The following AP5B1 variants were observed in gnomAD, a reference collection of about 807,000 sequenced individuals.
The protein encoded by AP5B1 is AP-5 complex subunit beta-1.
In AP5B1, 3 loss-of-function variants were observed where a neutral mutation model predicts 5.7. The observed-to-expected ratio is 0.53, with a 90% CI of 0.24 to 1.36. AP5B1 has a LOEUF of 1.36. Among genes scored for constraint, AP5B1 ranks in the 40% most tolerant of loss-of-function variants. The pLI is 0.17. For synonymous variants in AP5B1, 696 were observed against 555.5 expected, an observed-to-expected ratio of 1.25 and a Z score of -3.56; for missense variants, 1,310 against 1,143.2, an observed-to-expected ratio of 1.15 and a Z score of -2.10.
In AP5B1 at chr11:65,779,973, C is replaced by A. The variant is rs1156969394; in HGVS notation, c.520G>T (p.Gly174Cys). Reference protein sequence around the residue: ...LLGGSLGLLRGLLGQEGPVQP... With the variant: ...LLGGSLGLLRCLLGQEGPVQP... ...ACAGGGCCTTCCTGCCCCAGCAGGC[C>A]CCGCAGCAACCCCAGGGAGCCCCCC... The change falls in exon 2 of 2, where the codon GGC becomes TGC. Residue 174 changes from glycine (G) to cysteine (C), a missense_variant. Transcript: ENST00000532090. 3 of 1,578,316 alleles carry A rather than the reference C, an allele frequency of 1.9e-6. No homozygotes were observed. The Admixed American group carries it at 5.5e-5, about 29-fold the overall frequency.
rs1234113933 is a variant in AP5B1 at position 65,777,597 on chromosome 11, A to G, written c.*259T>C. Reference sequence around the variant, plus strand: ...CTCACTGGGCTCTGGGCCCTCCACTATGGACTTCCCAGCCTCCAGAGCTCT... The same window carrying G: ...CTCACTGGGCTCTGGGCCCTCCACTGTGGACTTCCCAGCCTCCAGAGCTCT... On this transcript the variant is annotated 3_prime_UTR_variant, in exon 2 of 2. Transcript: ENST00000532090. 1 of 477,818 alleles carries G rather than the reference A, an allele frequency of 2.1e-6. No individual in the cohort carries two copies. The highest frequency in any genetic ancestry group is 3.7e-6 in the Non-Finnish European group (1 of 271,290). 29.6% of individuals were successfully genotyped at this position (477,818 alleles called of 1,614,324 possible). A position where few individuals can be genotyped will look rare whatever the true frequency, so the allele number is the denominator to read the frequency against.
rs1317747499 is a variant in AP5B1 at position 65,777,890 on chromosome 11, C to A, written c.2603G>T (p.Gly868Val). ...TDDWAVLPLA[G>V]DYLRGLAAAV is the part of the protein sequence containing the mutation. ...AGCCGCCAGCCCACGGAGGTAGTCC[C>A]CCGCCAGGGGCAGCACGGCCCAGTC... is the stretch of plus-strand genomic sequence containing the variant. The change falls in exon 2 of 2, where the codon GGG (glycine) becomes GTG (valine). Residue 868 changes from glycine (G) to valine (V), a missense_variant. Transcript: ENST00000532090. The A allele has an allele frequency of 6.5e-7, 1 of 1,543,910 alleles. No homozygotes were observed. Among genetic ancestry groups the A allele is most frequent in the Non-Finnish European group, 8.7e-7 (1 of 1,142,988 alleles).
chr11:65,774,084 G>A lies in AP5B1; in HGVS notation c.*3772C>T, dbSNP rs916030059. On this transcript the variant is annotated 3_prime_UTR_variant, in exon 2 of 2. Transcript: ENST00000532090. Reference sequence around the variant, plus strand: ...TTTTGTTCATTCATGCTCGGCAGCTGTGTCTAAACCATAAAGGGATGGGGT... The same window carrying A: ...TTTTGTTCATTCATGCTCGGCAGCTATGTCTAAACCATAAAGGGATGGGGT... Among the ~76,000 whole-genome samples, 5 of 152,172 alleles carry A rather than the reference G, an allele frequency of 3.3e-5. No individual in the cohort carries two copies. Among genetic ancestry groups the A allele is most frequent in the Admixed American group, 1.3e-4 (2 of 15,268 alleles).
rs998940489 is a variant in AP5B1, at chr11:65,778,827, T to C, written c.1666A>G (p.Thr556Ala). 3 of 1,610,710 alleles carry C rather than the reference T, an allele frequency of 1.9e-6. No homozygotes were observed. The highest frequency in any genetic ancestry group is 2.5e-6 in the Non-Finnish European group (3 of 1,178,664). Residue 556 changes from threonine (T) to alanine (A), a missense_variant, in exon 2 of 2, where the codon ACC becomes GCC. Thr to Ala is a moderately conservative substitution (Grantham distance 58). Transcript: ENST00000532090. The stretch of plus-strand genomic sequence containing the variant: ...GCCGCGGCCTGTAGAAAGTTGAGGG[T>C]AGCACTCTGGGCATCTCCATCTGCC... The part of the protein sequence containing the change: ...KVADGDAQSA[T>A]LNFLQAAAAH...
Position 65,779,611 on chromosome 11 carries a change from G to A in AP5B1, c.882C>T (p.Gly294=), listed in dbSNP as rs1343263198. The A allele has an allele frequency of 6.2e-7, 1 of 1,606,682 alleles. No individual in the cohort carries two copies. Among genetic ancestry groups the A allele is most frequent in the South Asian group, 1.1e-5 (1 of 90,618 alleles). ...GTCCCTGCAGACCCCGCAGGGCCCA[G>A]CCCAGCAGCCACAGGAGCTGGGCCT... is the stretch of plus-strand genomic sequence containing the variant. ...VAQAQLLWLL[G]WALRGLQGQP... The change falls in exon 2 of 2, where the codon GGC becomes GGT. Residue 294 remains glycine (G), a synonymous_variant. Coordinates refer to ENST00000532090, the MANE Select transcript of AP5B1 (RefSeq NM_138368.5).
Position 65,778,273 on chromosome 11 carries a change from G to A in AP5B1, c.2220C>T (p.Val740=). Residue 740 remains valine, a synonymous_variant, in exon 2 of 2, where the codon GTC becomes GTT. Transcript: ENST00000532090. ...CAGTGGATGTGGTGTAAAGGGCATG[G>A]ACATCCAGCCGTGCGGGGGCCGGGC... ...PRCPAPARLD[V]HALYTTSTGL... is the part of the protein sequence containing the mutation. 2 of 1,613,250 alleles carry A rather than the reference G, an allele frequency of 1.2e-6. No homozygotes were observed. Among genetic ancestry groups the A allele is most frequent in the Non-Finnish European group, 1.7e-6 (2 of 1,179,892 alleles).
rs556992430 is a variant in AP5B1 at position 65,775,490 on chromosome 11, C to T, written c.*2366G>A. 1.0e-3 allele frequency among the ~76,000 whole-genome samples: 156 copies of T among 152,312 alleles called. No homozygotes were observed. The highest frequency in any genetic ancestry group is 2.7e-3 in the Admixed American group (42 of 15,292). Reference sequence around the variant, plus strand: ...GGCCAAGGAAGTTTGCTCTGCGGGCCCAGCCTTGGAGATGTTCAGTCCTTC... The same window carrying T: ...GGCCAAGGAAGTTTGCTCTGCGGGCTCAGCCTTGGAGATGTTCAGTCCTTC... On this transcript the variant is annotated 3_prime_UTR_variant, in exon 2 of 2. Transcript: ENST00000532090.
rs1857769064 is a variant in AP5B1 at position 65,776,688 on chromosome 11, G to A, written c.*1168C>T. The A allele has an allele frequency of 6.6e-6, 1 of 152,234 alleles. No homozygotes were observed. The highest frequency in any genetic ancestry group is 1.5e-5 in the Non-Finnish European group (1 of 68,056). 9.4% of individuals were successfully genotyped at this position (152,234 alleles called of 1,614,324 possible). The stretch of plus-strand genomic sequence containing the variant: ...TCTCAGACCCTAGACCTTATTAGCA[G>A]GCCCTTCCTAGAGCTGGCTCTAATC... On this transcript the variant is annotated 3_prime_UTR_variant, in exon 2 of 2. Coordinates refer to ENST00000532090, the MANE Select transcript of AP5B1 (RefSeq NM_138368.5).
chr11:65,777,742 G>C lies in AP5B1; in HGVS notation c.*114C>G, dbSNP rs767523038. On this transcript the variant is annotated 3_prime_UTR_variant, in exon 2 of 2. Transcript: ENST00000532090. ...GCCTGCTCCCAACCGGGGCCCAAAA[G>C]AAAACAAGCCAGCGAGGGCACTGCG... 1 of 1,297,380 alleles carries C rather than the reference G, an allele frequency of 7.7e-7. No individual in the cohort carries two copies. The highest frequency in any genetic ancestry group is 1.6e-5 in the South Asian group (1 of 62,998). 80.4% of individuals were successfully genotyped at this position (1,297,380 alleles called of 1,614,324 possible).
In AP5B1 at chr11:65,774,050, T is replaced by C. The variant is rs1285168768; in HGVS notation, c.*3806A>G. Among the ~76,000 whole-genome samples, 2 of 152,182 alleles carry C rather than the reference T, an allele frequency of 1.3e-5. No homozygotes were observed. The highest frequency in any genetic ancestry group is 1.9e-4 in the East Asian group (1 of 5,194). ...CACAGTGTCTGTTCTGTCCATCTCA[T>C]GATCCCTATTTTGTTCATTCATGCT... On this transcript the variant is annotated 3_prime_UTR_variant, in exon 2 of 2. Coordinates refer to ENST00000532090, the MANE Select transcript of AP5B1 (RefSeq NM_138368.5).
In AP5B1 at chr11:65,779,184, G is replaced by A. The variant is rs186610027; in HGVS notation, c.1309C>T (p.Pro437Ser). The change falls in exon 2 of 2, where the codon CCA becomes TCA. Residue 437 changes from proline (P) to serine (S), a missense_variant. Coordinates refer to ENST00000532090, the MANE Select transcript of AP5B1 (RefSeq NM_138368.5). Reference sequence around the variant, plus strand: ...AGCAGCTCTTCCAGGTAGTGCCGTGGGCTTGGAAGCTGGCCTTTCTCCTCT... The same window carrying A: ...AGCAGCTCTTCCAGGTAGTGCCGTGAGCTTGGAAGCTGGCCTTTCTCCTCT... Reference protein sequence around the residue: ...EEEEKGQLPSPRHYLEELLAG... With the variant: ...EEEEKGQLPSSRHYLEELLAG... 223 of 1,610,314 alleles carry A rather than the reference G, an allele frequency of 1.4e-4. 2 individuals carry two copies. In the East Asian group the frequency reaches 4.7e-3, roughly 34 times the overall value.
chr11:65,780,446 G>A lies in AP5B1; in HGVS notation c.146C>T (p.Thr49Ile), dbSNP rs1164977739. 6.6e-7 allele frequency: 1 copy of A among 1,514,838 alleles called. No homozygotes were observed. The highest frequency in any genetic ancestry group is 1.4e-5 in the African/African-American group (1 of 70,558). The allele number at this position is 1,514,838 out of a possible 1,614,324, so 93.8% of individuals were successfully genotyped here. Residue 49 changes from threonine (T) to isoleucine (I), a missense_variant, in exon 1 of 2, where the codon ACC becomes ATC. By Grantham distance (89) the Thr-to-Ile change is moderately conservative (BLOSUM62 -1). Transcript: ENST00000532090. ...AGGGGACGCGTGGGGGCCTACCTTG[G>A]TCTGTTCGCTCAGCTTCTCACTTCT... ...DLRSEKLSEQ[T>I]KVSLLALSME... is the part of the protein sequence containing the mutation.
At position 65,777,587 on chromosome 11, in the gene AP5B1, G is replaced by A; in HGVS notation, c.*269C>T. 2.2e-6 allele frequency: 1 copy of A among 461,998 alleles called. No homozygotes were observed. Among genetic ancestry groups the A allele is most frequent in the Non-Finnish European group, 3.8e-6 (1 of 260,790 alleles). The allele number at this position is 461,998 out of a possible 1,614,324, so 28.6% of individuals were successfully genotyped here. The stretch of plus-strand genomic sequence containing the variant: ...CAGAAGGGTCCTCACTGGGCTCTGG[G>A]CCCTCCACTATGGACTTCCCAGCCT... On this transcript the variant is annotated 3_prime_UTR_variant, in exon 2 of 2. Coordinates refer to ENST00000532090, the MANE Select transcript of AP5B1 (RefSeq NM_138368.5).
Position 65,776,189 on chromosome 11 carries a change from C to T in AP5B1, c.*1667G>A. The T allele has an allele frequency of 6.6e-6, 1 of 152,536 alleles. No homozygotes were observed. The highest frequency in any genetic ancestry group is 1.5e-5 in the Non-Finnish European group (1 of 68,196). 9.4% of individuals were successfully genotyped at this position (152,536 alleles called of 1,614,324 possible). A position where few individuals can be genotyped will look rare whatever the true frequency, so the allele number is the denominator to read the frequency against. On this transcript the variant is annotated 3_prime_UTR_variant, in exon 2 of 2. Coordinates refer to ENST00000532090, the MANE Select transcript of AP5B1 (RefSeq NM_138368.5). ...TACAGGCATGAGCCACCGCACCCAG[C>T]CCAGGCCCGTCTTTCCTCTCCTAGT...
Position 65,780,653 on chromosome 11 carries a change from G to A in AP5B1, c.-62C>T. On this transcript the variant is annotated 5_prime_UTR_variant, in exon 1 of 2. Coordinates refer to ENST00000532090, the MANE Select transcript of AP5B1 (RefSeq NM_138368.5). ...CCCTCAGGCCGCAGCCACCGGGAGC[G>A]CGGGGCCCGCTGCCGACCCCGAGGG... 1 of 1,295,346 alleles carries A rather than the reference G, an allele frequency of 7.7e-7. No homozygotes were observed. Among genetic ancestry groups the A allele is most frequent in the South Asian group, 2.2e-5 (1 of 44,884 alleles). 80.2% of individuals were successfully genotyped at this position (1,295,346 alleles called of 1,614,324 possible). A position where few individuals can be genotyped will look rare whatever the true frequency, so the allele number is the denominator to read the frequency against.
rs1420947566 is a variant in AP5B1, at chr11:65,778,398, C to T, written c.2095G>A (p.Val699Met). 1 of 1,594,474 alleles carries T rather than the reference C, an allele frequency of 6.3e-7. No homozygotes were observed. The highest frequency in any genetic ancestry group is 8.5e-7 in the Non-Finnish European group (1 of 1,172,698). Residue 699 changes from valine (V) to methionine (M), a missense_variant, in exon 2 of 2, where the codon GTG (valine) becomes ATG (methionine). Coordinates refer to ENST00000532090, the MANE Select transcript of AP5B1 (RefSeq NM_138368.5). ...PIYSLELRFR[V>M]EGQLYAPLEA... ...AGGGGTGCATACAGCTGTCCTTCCA[C>T]ACGGAAGCGCAGCTCCAGAGAGTAG...
rs1857810523 is a variant in AP5B1 at position 65,779,252 on chromosome 11, G to A, written c.1241C>T (p.Ala414Val). Residue 414 changes from alanine (A) to valine (V), a missense_variant, in exon 2 of 2, where the codon GCC becomes GTC. By Grantham distance (64) the Ala-to-Val change is moderately conservative. Transcript: ENST00000532090. ...SLLHDPMALLARLHLLCLLCA... is the reference protein window; with the variant it reads ...SLLHDPMALLVRLHLLCLLCA... ...GAGCAGGCACAGTAAATGCAGGCGG[G>A]CCAGGAGGGCCATTGGGTCATGCAG... is the stretch of plus-strand genomic sequence containing the variant. 2.5e-6 allele frequency: 4 copies of A among 1,593,632 alleles called. No homozygotes were observed. The highest frequency in any genetic ancestry group is 3.4e-6 in the Non-Finnish European group (4 of 1,169,112).
At position 65,776,668 on chromosome 11, in the gene AP5B1, G is replaced by A. The variant is rs1228831679; in HGVS notation, c.*1188C>T. ...TGAGATTAGAAAAAACTTGGTCTCA[G>A]ACCCTAGACCTTATTAGCAGGCCCT... On this transcript the variant is annotated 3_prime_UTR_variant, in exon 2 of 2. Transcript: ENST00000532090. 1 of 152,244 alleles carries A rather than the reference G, an allele frequency of 6.6e-6. No individual in the cohort carries two copies. Among genetic ancestry groups the A allele is most frequent in the African/African-American group, 2.4e-5 (1 of 41,468 alleles). 9.4% of individuals were successfully genotyped at this position (152,244 alleles called of 1,614,324 possible).
In AP5B1 at chr11:65,778,127, C is replaced by T; in HGVS notation, c.2366G>A (p.Cys789Tyr). Residue 789 changes from cysteine to tyrosine, a missense_variant, in exon 2 of 2, where the codon TGC becomes TAC. Physicochemically the swap from Cys to Tyr is radical, Grantham distance 194. Transcript: ENST00000532090. ...ACGACTCTCAGCACCCTCTGGCAGG[C>T]AGGAATCCCAGAGCTCCTCAAAGAA... ...LGFFEELWDS[C>Y]LPEGAESRVW... The T allele has an allele frequency of 1.2e-6, 2 of 1,612,850 alleles. No homozygotes were observed. The highest frequency in any genetic ancestry group is 1.7e-6 in the Non-Finnish European group (2 of 1,179,886).
Sources: allele counts gnomAD v4.1 joint callset (sites outside exome capture counted in the v4.1 genomes callset), GRCh38; gene constraint gnomAD v4.1.1; transcripts MANE v1.5; gene names NCBI Gene and HGNC (gene_info 2026-07-23, HGNC 2026-07-21).